The following KIFC3 variants were observed in gnomAD, a reference collection of about 807,000 sequenced individuals.
The protein encoded by KIFC3 is kinesin family member C3, also known as kinesin-like protein KIFC3.
Under a neutral mutation model 101.8 loss-of-function variants are expected in KIFC3, and 60 were observed. That is an observed-to-expected ratio of 0.59 (90% CI 0.48 to 0.73). The LOEUF (loss-of-function observed/expected upper bound fraction) is 0.73, where lower values mean the gene tolerates loss of function less well. KIFC3 is among the 30% of genes least tolerant of loss of function. KIFC3 has a pLI of 0.00. For missense variants in KIFC3, 966 were observed against 1,137.1 expected (o/e 0.85, Z 2.16); for synonymous variants, 476 against 482.7 (o/e 0.99, Z 0.18).
intron 2 of KIFC3, among the ~76,000 whole-genome samples, chr16:57,796,335 A>C (rs1430295239): frequency 6.6e-6 from 1 of 152,236 alleles, no homozygotes; most frequent in Non-Finnish European, 1.5e-5. Flanking sequence ...AGTACAGGCC[A>C]ATAGGACTAC....
intron 1 of KIFC3, among the ~76,000 whole-genome samples, chr16:57,861,948 C>T (rs1211228301): frequency 1.3e-5 from 2 of 151,910 alleles, no homozygotes; most frequent in Admixed American, 1.3e-4. Context: ...AACTCTGCCT[C>T]AAAATAATAA....
intron 4 of KIFC3, 124 bp downstream of exon 4, chr16:57,772,099 T>G: frequency 1.2e-6 from 1 of 811,238 alleles, no homozygotes; most frequent in Non-Finnish European, 2.0e-6. Flanking sequence ...CTCGGTGTGT[T>G]TCTGAGACAG....
chr16:57,812,667 C>A (rs1301207030), intron 1 of KIFC3, among the ~76,000 whole-genome samples: 9 of 152,172 alleles, frequency 5.9e-5, no homozygotes, highest in Admixed American at 4.6e-4. Flanking sequence ...GCGGGAGAGA[C>A]CCCATGAGTC....
At chr16:57,815,482 C>A (rs1355800411) in intron 1 of KIFC3, 4 of 1,242,210 alleles carry the variant, frequency 3.2e-6, no homozygotes, top group Non-Finnish European at 4.1e-6. Flanking sequence ...CTGCCCATCA[C>A]CCCCAACCTG....
intron 18 of KIFC3, 176 bp from the exon 19 acceptor site, chr16:57,759,329 T>C (rs1453290768): frequency 1.4e-5 from 10 of 721,584 alleles, no homozygotes; most frequent in Non-Finnish European, 2.3e-5. Context: ...ACTCCTCACC[T>C]AGGAGGTAGG....
chr16:57,810,066 G>T (rs547247277), intron 1 of KIFC3, among the ~76,000 whole-genome samples: 1 of 152,076 alleles, frequency 6.6e-6, no homozygotes, highest in African/African-American at 2.4e-5. Flanking sequence ...TCAGTACCCC[G>T]CGGTCCAACA....
In KIFC3 at chr16:57,802,255, GT is replaced by G. The variant is rs2054779535; in HGVS notation, c.-40+114del. On this transcript the variant is annotated intron_variant, in intron 1 of 19. Transcript: ENST00000445690. The surrounding 1 kb of genome is among the most constrained non-coding windows in gnomAD (Gnocchi z 5.0). ...CTTTCCCTCCCCGCGCCCATAGCGG[GT>G]CCGGGCAGAGGGGTCCCGAGGGCAG... The G allele has an allele frequency of 2.1e-6, 1 of 483,476 alleles. No homozygotes were observed. The highest frequency in any genetic ancestry group is 6.4e-5 in the Admixed American group (1 of 15,628). 29.9% of individuals were successfully genotyped at this position (483,476 alleles called of 1,614,324 possible). A position where few individuals can be genotyped will look rare whatever the true frequency, so the allele number is the denominator to read the frequency against.
At chr16:57,846,773 C>G (rs1464151957) in intron 1 of KIFC3, among the ~76,000 whole-genome samples, 1 of 152,272 alleles carries the variant, frequency 6.6e-6, no homozygotes, top group South Asian at 2.1e-4. Flanking sequence ...TTTTGAGAAA[C>G]CTTCTACTTA....
intron 3 of KIFC3, among the ~76,000 whole-genome samples, chr16:57,783,621 C>T (rs185886442): frequency 5.7e-4 from 87 of 151,922 alleles, no homozygotes; most frequent in Admixed American, 1.1e-3. Flanking sequence ...TACAGGCGCC[C>T]GCCACCACAC....
intron 1 of KIFC3, among the ~76,000 whole-genome samples, chr16:57,833,057 T>C (rs2055616311): frequency 6.6e-6 from 1 of 151,950 alleles, no homozygotes; most frequent in Non-Finnish European, 1.5e-5. Flanking sequence ...AATACACAAA[T>C]TAGCCAGGTG....
At chr16:57,849,950 C>T (rs376573462) in intron 1 of KIFC3, among the ~76,000 whole-genome samples, 1 of 151,924 alleles carries the variant, frequency 6.6e-6, no homozygotes, top group African/African-American at 2.4e-5. Flanking sequence ...AGGCTTCCAC[C>T]TGTAATCCTA....
upstream of KIFC3, chr16:57,802,592 C>G (rs1180867021): frequency 1.0e-4 from 103 of 1,002,678 alleles, no homozygotes; most frequent in Non-Finnish European, 1.2e-4. The surrounding 1 kb of genome is among the most constrained non-coding windows in gnomAD (Gnocchi z 5.0). Context: ...CGCCCGCACT[C>G]ACGCGCACTG....
In KIFC3 at chr16:57,764,084, G is replaced by A. The variant is rs2050174332; in HGVS notation, c.1617+59C>T. On this transcript the variant is annotated intron_variant, in intron 12 of 19. Coordinates refer to ENST00000445690, the MANE Select transcript of KIFC3 (RefSeq NM_001130100.2). ...TGCACAATACCCCAAGACCAATGAG[G>A]GAGCCCGCATTCCCTTCATGCTTCA... 4.1e-6 allele frequency: 5 copies of A among 1,220,726 alleles called. No individual in the cohort carries two copies. The Admixed American group carries it at 8.5e-5, about 21-fold the overall frequency. The allele number at this position is 1,220,726 out of a possible 1,614,324, so 75.6% of individuals were successfully genotyped here.
chr16:57,802,650 A>T (rs1382333663), upstream of KIFC3: 4 of 796,446 alleles, frequency 5.0e-6, no homozygotes, highest in Non-Finnish European at 6.4e-6. This position sits in a 1 kb window ranked among gnomAD's most constrained non-coding sequence, Gnocchi z 5.0. Flanking sequence ...TCCCGCCGGC[A>T]CTCCCACTCC....
intron 3 of KIFC3, chr16:57,790,927 C>CA (rs2149163818): frequency 1.0e-6 from 1 of 985,276 alleles, no homozygotes; most frequent in Non-Finnish European, 1.2e-6. Context: ...GTGGCAGACA[C>CA]ACCTCTTATA....
At chr16:57,799,942 G>A (rs1346916778) in intron 1 of KIFC3, among the ~76,000 whole-genome samples, 4 of 152,042 alleles carry the variant, frequency 2.6e-5, no homozygotes, top group Non-Finnish European at 4.4e-5. Context: ...GGCAAACTTC[G>A]GAGGGCTCAA....
intron 1 of KIFC3, among the ~76,000 whole-genome samples, chr16:57,847,277 G>GAGGGA (rs2055950770): frequency 3.2e-5 from 4 of 124,484 alleles, no homozygotes; most frequent in Middle Eastern, 3.8e-3. Flanking sequence ...GAAGGGAAGG[G>GAGGGA]AGGGAGGGAG....
At chr16:57,803,536 G>A (rs1003511463), upstream of KIFC3, 6 of 380,038 alleles carry the variant, frequency 1.6e-5, no homozygotes, top group Non-Finnish European at 3.2e-5. Context: ...GGACTGGAGG[G>A]GGTCGGGCAA....
chr16:57,841,917 T>C (rs548138365), intron 1 of KIFC3, among the ~76,000 whole-genome samples: 14 of 133,286 alleles, frequency 1.1e-4, no homozygotes, highest in Non-Finnish European at 2.0e-4. Context: ...TCCTCCCCTC[T>C]TCTCAAGGGT....
Sources: allele counts gnomAD v4.1 joint callset (sites outside exome capture counted in the v4.1 genomes callset), GRCh38; gene constraint gnomAD v4.1.1; non-coding constraint Gnocchi (gnomAD v3.1); transcripts MANE v1.5; gene names NCBI Gene and HGNC (gene_info 2026-07-23, HGNC 2026-07-21).